Variants in BMF observed in about 807,000 individuals in gnomAD.
The protein encoded by BMF is Bcl2 modifying factor, also known as bcl-2-modifying factor.
In BMF, 10 loss-of-function variants were observed where a neutral mutation model predicts 22.0. The ratio of observed to expected loss-of-function variants is 0.45; its 90% CI spans 0.28 to 0.77. The LOEUF (loss-of-function observed/expected upper bound fraction) is 0.77. Among genes scored for constraint, BMF ranks in the 30% least tolerant of loss-of-function variants. The pLI is 0.13. For missense variants in BMF, 206 were observed against 226.8 expected, an observed-to-expected ratio of 0.91 and a Z score of 0.59; for synonymous variants, 87 against 88.1, an observed-to-expected ratio of 0.99 and a Z score of 0.07.
rs2036164561 is a variant in BMF, at chr15:40,087,939, GAT to G, written c.*3846_*3847del. Reference sequence around the variant, plus strand: ...AATTGTACCAATTGATGGGGGGAAAGATATACACACATACACACATATGCATG... The same window carrying G: ...AATTGTACCAATTGATGGGGGGAAAGATACACACATACACACATATGCATG... On this transcript the variant is annotated 3_prime_UTR_variant, in exon 5 of 5. Coordinates refer to ENST00000354670, the MANE Select transcript of BMF (RefSeq NM_001003940.2). 6.6e-6 allele frequency: 1 copy of G among 152,258 alleles called. No homozygotes were observed. The highest frequency in any genetic ancestry group is 1.5e-5 in the Non-Finnish European group (1 of 68,034). The allele number at this position is 152,258 out of a possible 1,614,324, so 9.4% of individuals were successfully genotyped here.
intron 4 of BMF, among the ~76,000 whole-genome samples, chr15:40,096,518 T>C (rs979904106): frequency 6.6e-6 from 1 of 152,218 alleles, no homozygotes; most frequent in African/African-American, 2.4e-5. Flanking sequence ...ACAGAGCACT[T>C]TCCTTTCTTC....
chr15:40,100,449 A>G (rs2036453042), intron 4 of BMF, among the ~76,000 whole-genome samples: 2 of 152,238 alleles, frequency 1.3e-5, no homozygotes, highest in African/African-American at 4.8e-5. Context: ...AGGAGCAAAC[A>G]GGGGAACCTT....
intron 4 of BMF, among the ~76,000 whole-genome samples, chr15:40,103,120 C>T (rs1184803401): frequency 6.6e-6 from 1 of 152,266 alleles, no homozygotes; most frequent in Admixed American, 6.5e-5. Context: ...ACCAATAGCT[C>T]TCCTCCGACC....
At chr15:40,095,109 G>A (rs2036328974) in intron 4 of BMF, among the ~76,000 whole-genome samples, 1 of 152,210 alleles carries the variant, frequency 6.6e-6, no homozygotes, top group African/African-American at 2.4e-5. Context: ...TGTAGGGCCT[G>A]GGAACCACCC....
chr15:40,093,455 A>G (rs2036289617), intron 4 of BMF, among the ~76,000 whole-genome samples: 1 of 152,210 alleles, frequency 6.6e-6, no homozygotes, highest in Admixed American at 6.5e-5. Context: ...TTGTAAACAA[A>G]GATGAGTAAA....
intron 4 of BMF, 152 bp from the exon 5 acceptor site, chr15:40,092,040 T>C (rs1238344194): frequency 6.3e-6 from 4 of 629,970 alleles, no homozygotes; most frequent in Non-Finnish European, 1.1e-5. Context: ...GAGGGGGAGG[T>C]GAAAGAGACA....
At chr15:40,104,041 G>C in intron 4 of BMF, 139 bp downstream of exon 4, 1 of 1,149,236 alleles carries the variant, frequency 8.7e-7, no homozygotes, top group Non-Finnish European at 1.3e-6. Context: ...CCTGCCCATG[G>C]GAACCGCCAT....
Position 40,091,855 on chromosome 15 carries a change from T to G in BMF, c.487A>C (p.Ile163Leu), listed in dbSNP as rs1396296101. The change falls in exon 5 of 5, where the codon ATC becomes CTC. Residue 163 changes from isoleucine (I) to leucine (L), a missense_variant. By Grantham distance (5) the Ile-to-Leu change is conservative. Transcript: ENST00000354670. ...QQNQNRVWWQILLFLHNLALN... is the reference protein window; with the variant it reads ...QQNQNRVWWQLLLFLHNLALN... ...GCAAGGTTGTGCAGGAAGAGGAGGA[T>G]CTGCCACCACACACGATTTTGGTTC... 6.2e-7 allele frequency: 1 copy of G among 1,610,538 alleles called. No homozygotes were observed.
chr15:40,105,648 C>T lies in BMF; in HGVS notation c.292+147G>A, dbSNP rs559701240. On this transcript the variant is annotated intron_variant, in intron 3 of 4. Transcript: ENST00000354670. ...GCACAGGTGAGGAGCAATAACAAGCCGAGAGGCAGCAGGTGGAAGTCAAGG... is the reference window on the plus strand; with the variant it reads ...GCACAGGTGAGGAGCAATAACAAGCTGAGAGGCAGCAGGTGGAAGTCAAGG... 1.1e-4 allele frequency: 111 copies of T among 1,022,004 alleles called. 1 individual carries two copies. The Admixed American group carries it at 2.5e-3, about 23-fold the overall frequency. The allele number at this position is 1,022,004 out of a possible 1,614,324, so 63.3% of individuals were successfully genotyped here.
At position 40,090,652 on chromosome 15, in the gene BMF, C is replaced by A. The variant is rs1253986180; in HGVS notation, c.*1135G>T. ...TGTGTACCCAGCTTTGACGGTTCCCCACTCTAATCGTTATCTGTTACTCTA... is the reference window on the plus strand; with the variant it reads ...TGTGTACCCAGCTTTGACGGTTCCCAACTCTAATCGTTATCTGTTACTCTA... On this transcript the variant is annotated 3_prime_UTR_variant, in exon 5 of 5. Transcript: ENST00000354670. 6.6e-6 allele frequency: 1 copy of A among 152,284 alleles called. No individual in the cohort carries two copies. Among genetic ancestry groups the A allele is most frequent in the African/African-American group, 2.4e-5 (1 of 41,450 alleles). The allele number at this position is 152,284 out of a possible 1,614,324, so 9.4% of individuals were successfully genotyped here.
chr15:40,108,157 G>A (rs1000206114), intron 2 of BMF, 102 bp downstream of exon 2: 1 of 152,578 alleles, frequency 6.6e-6, no homozygotes, highest in Non-Finnish European at 1.5e-5. Context: ...GCTGAACTTA[G>A]ACTCCTCCTC....
chr15:40,095,282 T>C (rs1280417582), intron 4 of BMF, among the ~76,000 whole-genome samples: 1 of 152,132 alleles, frequency 6.6e-6, no homozygotes, highest in Non-Finnish European at 1.5e-5. Context: ...AAATTTTTCC[T>C]AAAAGTTTAA....
chr15:40,104,893 G>A (rs12148376), intron 3 of BMF, among the ~76,000 whole-genome samples: 27,364 of 152,202 alleles, frequency 0.18, 2,890 homozygotes, highest in Non-Finnish European at 0.24. Context: ...GTTGCTCTCC[G>A]GAGACAGCCC....
chr15:40,100,043 C>T (rs1016931679), intron 4 of BMF, among the ~76,000 whole-genome samples: 2 of 152,196 alleles, frequency 1.3e-5, no homozygotes, highest in African/African-American at 2.4e-5. Flanking sequence ...GTGAAAAAGC[C>T]ATTTCCAACA....
At position 40,090,140 on chromosome 15, in the gene BMF, G is replaced by C. The variant is rs1055567738; in HGVS notation, c.*1647C>G. 1 of 152,474 alleles carries C rather than the reference G, an allele frequency of 6.6e-6. No individual in the cohort carries two copies. Among genetic ancestry groups the C allele is most frequent in the Non-Finnish European group, 1.5e-5 (1 of 68,052 alleles). 9.4% of individuals were successfully genotyped at this position (152,474 alleles called of 1,614,324 possible). Reference sequence around the variant, plus strand: ...CACACCAGGGCACGCACACAGCTTAGTGAGCAGAACACAAGCTGAATTCCA... The same window carrying C: ...CACACCAGGGCACGCACACAGCTTACTGAGCAGAACACAAGCTGAATTCCA... On this transcript the variant is annotated 3_prime_UTR_variant, in exon 5 of 5. Coordinates refer to ENST00000354670, the MANE Select transcript of BMF (RefSeq NM_001003940.2).
chr15:40,095,875 G>A (rs1293646971), intron 4 of BMF, among the ~76,000 whole-genome samples: 3 of 152,194 alleles, frequency 2.0e-5, no homozygotes, highest in African/African-American at 7.2e-5. Context: ...ACGGACAGGG[G>A]ATGAAGGCAG....
At chr15:40,104,841 A>G (rs574329633) in intron 3 of BMF, among the ~76,000 whole-genome samples, 152 of 152,204 alleles carry the variant, frequency 1.0e-3, no homozygotes, top group Non-Finnish European at 1.4e-3. Flanking sequence ...GGGCAGCAGC[A>G]CAAAAAGAGG....
At chr15:40,101,092 T>A (rs1382175498) in intron 4 of BMF, among the ~76,000 whole-genome samples, 1 of 152,158 alleles carries the variant, frequency 6.6e-6, no homozygotes, top group Admixed American at 6.5e-5. Flanking sequence ...GAGAAATCGA[T>A]AAGGCCAAGG....
chr15:40,093,502 G>C (rs953917173), intron 4 of BMF, among the ~76,000 whole-genome samples: 1 of 152,232 alleles, frequency 6.6e-6, no homozygotes, highest in East Asian at 1.9e-4. Flanking sequence ...AATCTGGTTA[G>C]AGTAAAACAG....
Sources: gnomAD v4.1 joint callset for allele counts (sites outside exome capture counted in the v4.1 genomes callset) on GRCh38, gnomAD v4.1.1 for gene constraint, MANE v1.5 for transcripts, NCBI Gene and HGNC (gene_info 2026-07-23, HGNC 2026-07-21) for gene names.